Variants in RANBP3 observed in about 807,000 individuals in gnomAD.
RANBP3 encodes RAN binding protein 3.
Under a neutral mutation model 77.3 loss-of-function variants are expected in RANBP3, and 14 were observed. That is an observed-to-expected ratio of 0.18 (90% CI 0.12 to 0.28). RANBP3 has a LOEUF of 0.28. RANBP3 is among the 10% of genes least tolerant of loss of function. The pLI is 1.00. For missense variants in RANBP3, 586 were observed against 752.3 expected (o/e 0.78, Z 2.59); for synonymous variants, 315 against 312.4 (o/e 1.01, Z -0.09).
At chr19:5,927,389 T>A (rs1236708573) in intron 9 of RANBP3, among the ~76,000 whole-genome samples, 1 of 151,914 alleles carries the variant, frequency 6.6e-6, no homozygotes, top group Non-Finnish European at 1.5e-5. Flanking sequence ...TAAAAAAAAA[T>A]AAGGTGACAG....
chr19:5,923,345 G>A (rs377066098), intron 12 of RANBP3, 42 bp from the exon 13 acceptor site: 207 of 1,573,834 alleles, frequency 1.3e-4, no homozygotes, highest in Admixed American at 1.0e-4. Context: ...ATTATTTGGC[G>A]AGAGGAGAGC....
rs1268052198 is a variant in RANBP3 at position 5,921,119 on chromosome 19, C to G, written c.1330+82G>C. Reference sequence around the variant, plus strand: ...CACAAGGGTAGGGTCAGGATCTCCCCCGCTTCATTCCCTTTGGAATTGCAT... The same window carrying G: ...CACAAGGGTAGGGTCAGGATCTCCCGCGCTTCATTCCCTTTGGAATTGCAT... On this transcript the variant is annotated intron_variant, in intron 14 of 16. Transcript: ENST00000340578. The surrounding 1 kb of genome is among the most constrained non-coding windows in gnomAD (Gnocchi z 5.3). 1 of 1,500,034 alleles carries G rather than the reference C, an allele frequency of 6.7e-7. No individual in the cohort carries two copies. The highest frequency in any genetic ancestry group is 9.0e-7 in the Non-Finnish European group (1 of 1,114,346). The allele number at this position is 1,500,034 out of a possible 1,614,324, so 92.9% of individuals were successfully genotyped here. A position where few individuals can be genotyped will look rare whatever the true frequency, so the allele number is the denominator to read the frequency against.
At chr19:5,963,976 C>A (rs1445906045) in intron 1 of RANBP3, among the ~76,000 whole-genome samples, 1 of 152,166 alleles carries the variant, frequency 6.6e-6, no homozygotes, top group Non-Finnish European at 1.5e-5. Context: ...AGGGAGAGTC[C>A]CCTGCTGCCC....
chr19:5,969,983 C>T (rs2058512042), intron 1 of RANBP3, among the ~76,000 whole-genome samples: 1 of 152,188 alleles, frequency 6.6e-6, no homozygotes, highest in Non-Finnish European at 1.5e-5. Context: ...TTCCTTTGAT[C>T]CTATGACCAG....
rs1377069201 is a variant in RANBP3, at chr19:5,916,374, G to A, written c.*1236C>T. ...TAGAGGTGTGGACGGCACAGCTGCAGGAGGCCTTCTCTTAACCCTCCGAGA... is the reference window on the plus strand; with the variant it reads ...TAGAGGTGTGGACGGCACAGCTGCAAGAGGCCTTCTCTTAACCCTCCGAGA... On this transcript the variant is annotated 3_prime_UTR_variant, in exon 17 of 17. Coordinates refer to ENST00000340578, the MANE Select transcript of RANBP3 (RefSeq NM_007322.3). 1 of 152,208 alleles carries A rather than the reference G, an allele frequency of 6.6e-6. No individual in the cohort carries two copies. Among genetic ancestry groups the A allele is most frequent in the African/African-American group, 2.4e-5 (1 of 41,424 alleles). 9.4% of individuals were successfully genotyped at this position (152,208 alleles called of 1,614,324 possible). A position where few individuals can be genotyped will look rare whatever the true frequency, so the allele number is the denominator to read the frequency against.
chr19:5,921,147 T>G lies in RANBP3; in HGVS notation c.1330+54A>C. The G allele has an allele frequency of 1.3e-6, 2 of 1,576,602 alleles. No individual in the cohort carries two copies. Among genetic ancestry groups the G allele is most frequent in the Non-Finnish European group, 1.7e-6 (2 of 1,162,764 alleles). On this transcript the variant is annotated intron_variant, in intron 14 of 16. Coordinates refer to ENST00000340578, the MANE Select transcript of RANBP3 (RefSeq NM_007322.3). This position sits in a 1 kb window ranked among gnomAD's most constrained non-coding sequence, Gnocchi z 5.3. ...CTTCATTCCCTTTGGAATTGCATAG[T>G]CCCCAGCCCTCCCCATGGGGACCCG...
At chr19:5,961,165 C>T (rs72991020) in intron 1 of RANBP3, among the ~76,000 whole-genome samples, 3,926 of 152,268 alleles carry the variant, frequency 0.026, 84 homozygotes, top group Non-Finnish European at 0.039. Context: ...CAGTGTTGGC[C>T]GGGCGCGGTG....
chr19:5,969,885 C>T (rs2058510747), intron 1 of RANBP3, among the ~76,000 whole-genome samples: 1 of 152,260 alleles, frequency 6.6e-6, no homozygotes, highest in East Asian at 1.9e-4. Context: ...TTGAGGCCTA[C>T]TCAGCTGCCA....
At chr19:5,961,447 T>C (rs2058400377) in intron 1 of RANBP3, among the ~76,000 whole-genome samples, 1 of 150,770 alleles carries the variant, frequency 6.6e-6, no homozygotes. Flanking sequence ...AAAACTGCAG[T>C]GTCGGCCGGG....
Position 5,978,124 on chromosome 19 carries a change from A to G in RANBP3, c.-42T>C. The G allele has an allele frequency of 6.3e-7, 1 of 1,593,646 alleles. No individual in the cohort carries two copies. Among genetic ancestry groups the G allele is most frequent in the African/African-American group, 1.4e-5 (1 of 72,774 alleles). On this transcript the variant is annotated 5_prime_UTR_variant, in exon 1 of 17. Coordinates refer to ENST00000340578, the MANE Select transcript of RANBP3 (RefSeq NM_007322.3). ...CTCCCACAAGGCCCCGCGCCGGCCC[A>G]GGCTCGCCTGCTTTCTGCCAGAAAC...
At chr19:5,936,422 T>C (rs975127048) in intron 5 of RANBP3, among the ~76,000 whole-genome samples, 2 of 150,926 alleles carry the variant, frequency 1.3e-5, no homozygotes, top group African/African-American at 4.9e-5. Context: ...CATCTCCACA[T>C]GCAGGCAGGC....
intron 5 of RANBP3, among the ~76,000 whole-genome samples, chr19:5,937,622 A>G (rs1212991992): frequency 3.9e-5 from 6 of 152,216 alleles, no homozygotes; most frequent in Non-Finnish European, 8.8e-5. Context: ...GCTTTTCAAA[A>G]TTAAAGCTAA....
At position 5,958,440 on chromosome 19, in the gene RANBP3, C is replaced by T. The variant is rs2058361512; in HGVS notation, c.23-467G>A. Among the ~76,000 whole-genome samples the T allele has an allele frequency of 6.6e-6, 1 of 152,248 alleles. No individual in the cohort carries two copies. Among genetic ancestry groups the T allele is most frequent in the Non-Finnish European group, 1.5e-5 (1 of 68,050 alleles). ...TGCAGACAGTTCTGGTAGAAGAATCCTAACGCTCAACCTGGATCTCTAAGT... is the reference window on the plus strand; with the variant it reads ...TGCAGACAGTTCTGGTAGAAGAATCTTAACGCTCAACCTGGATCTCTAAGT... On this transcript the variant is annotated intron_variant, in intron 1 of 16. Transcript: ENST00000340578. This position sits in a 1 kb window ranked among gnomAD's most constrained non-coding sequence, Gnocchi z 4.4.
chr19:5,975,018 T>C (rs1198902081), intron 1 of RANBP3, among the ~76,000 whole-genome samples: 2 of 152,170 alleles, frequency 1.3e-5, no homozygotes, highest in South Asian at 2.1e-4. Context: ...CAAGAGGGCA[T>C]TTGACTAGAG....
At chr19:5,951,250 G>C in intron 3 of RANBP3, 143 bp downstream of exon 3, 1 of 828,278 alleles carries the variant, frequency 1.2e-6, no homozygotes, top group South Asian at 1.5e-5. Flanking sequence ...AAGCGAGCTG[G>C]AAGAAATCCT....
rs1180048428 is a variant in RANBP3, at chr19:5,958,635, C to A, written c.23-662G>T. ...CCATCTGTCTCCTACCCAGGGGCAG[C>A]CAGATCCACAGCCCTGTGCCACTCA... is the stretch of plus-strand genomic sequence containing the variant. On this transcript the variant is annotated intron_variant, in intron 1 of 16. Coordinates refer to ENST00000340578, the MANE Select transcript of RANBP3 (RefSeq NM_007322.3). The surrounding 1 kb of genome is among the most constrained non-coding windows in gnomAD (Gnocchi z 4.4). Among the ~76,000 whole-genome samples the A allele has an allele frequency of 1.3e-5, 2 of 152,166 alleles. No homozygotes were observed. Among genetic ancestry groups the A allele is most frequent in the Non-Finnish European group, 2.9e-5 (2 of 68,022 alleles).
Position 5,951,326 on chromosome 19 carries a change from G to A in RANBP3, c.282+67C>T, listed in dbSNP as rs2058271456. The A allele has an allele frequency of 2.0e-5, 28 of 1,420,998 alleles. No individual in the cohort carries two copies. In the South Asian group the frequency reaches 3.3e-4, roughly 17 times the overall value. 88.0% of individuals were successfully genotyped at this position (1,420,998 alleles called of 1,614,324 possible). A position where few individuals can be genotyped will look rare whatever the true frequency, so the allele number is the denominator to read the frequency against. ...AGGGCCAGGATCTGAGGGACCCGAA[G>A]GGAAAGTGGCTGGTCTGGGTTGGGC... On this transcript the variant is annotated intron_variant, in intron 3 of 16. Coordinates refer to ENST00000340578, the MANE Select transcript of RANBP3 (RefSeq NM_007322.3).
At chr19:5,940,359 A>G (rs2058119824) in intron 5 of RANBP3, among the ~76,000 whole-genome samples, 1 of 152,194 alleles carries the variant, frequency 6.6e-6, no homozygotes, top group Admixed American at 6.5e-5. Context: ...CCCTCATTCC[A>G]CAGAACACCT....
chr19:5,971,623 C>T (rs1486380710), intron 1 of RANBP3, among the ~76,000 whole-genome samples: 1 of 152,184 alleles, frequency 6.6e-6, no homozygotes, highest in African/African-American at 2.4e-5. Context: ...CTTGCAGTCC[C>T]CTTGAAAAGG....
Sources: allele counts gnomAD v4.1 joint callset (sites outside exome capture counted in the v4.1 genomes callset), GRCh38; gene constraint gnomAD v4.1.1; non-coding constraint Gnocchi (gnomAD v3.1); transcripts MANE v1.5; gene names NCBI Gene and HGNC (gene_info 2026-07-23, HGNC 2026-07-21).